Variants in EYA1 observed in about 807,000 individuals in gnomAD.
EYA1 encodes EYA transcriptional coactivator and phosphatase 1.
EYA1 carries 16 observed loss-of-function variants against 82.0 expected under a neutral mutation model. The observed-to-expected ratio is 0.20, with a 90% confidence interval of 0.13 to 0.30. The LOEUF (loss-of-function observed/expected upper bound fraction) is 0.30, where lower values mean the gene tolerates loss of function less well. Among genes scored for constraint, EYA1 ranks in the 10% least tolerant of loss-of-function variants. The pLI is 1.00. For synonymous variants in EYA1, 261 were observed against 264.4 expected (o/e 0.99, Z 0.12); for missense variants, 633 against 730.7 (o/e 0.87, Z 1.54).
intron 12 of EYA1, among the ~76,000 whole-genome samples, chr8:71,240,268 C>CTT (rs35098983): frequency 7.0e-5 from 10 of 143,106 alleles, no homozygotes; most frequent in South Asian, 2.3e-4. Context: ...TGCCCCAGGC[C>CTT]TTTTTTTTTT....
intron 9 of EYA1, among the ~76,000 whole-genome samples, chr8:71,273,670 A>T (rs965321306): frequency 6.6e-6 from 1 of 152,248 alleles, no homozygotes; most frequent in Non-Finnish European, 1.5e-5. Flanking sequence ...CAAAACACAC[A>T]TCAATCTCTA....
chr8:71,256,333 T>C (rs2128924344), intron 11 of EYA1, among the ~76,000 whole-genome samples: 1 of 152,162 alleles, frequency 6.6e-6, no homozygotes, highest in Non-Finnish European at 1.5e-5. Context: ...ATCAAAAAAA[T>C]AAAATGTGGC....
intron 2 of EYA1, among the ~76,000 whole-genome samples, chr8:71,416,910 G>A (rs1402415114): frequency 6.6e-6 from 1 of 152,198 alleles, no homozygotes; most frequent in Non-Finnish European, 1.5e-5. Context: ...CAGTGAGGGT[G>A]TTGCCAAAGG....
chr8:71,469,983 G>C (rs963562213), intron 2 of EYA1, among the ~76,000 whole-genome samples: 4 of 152,032 alleles, frequency 2.6e-5, no homozygotes, highest in African/African-American at 9.7e-5. Context: ...GTTCACCAAG[G>C]CCTTTGATTC....
intron 2 of EYA1, among the ~76,000 whole-genome samples, chr8:71,427,591 A>G (rs914736154): frequency 6.6e-6 from 1 of 152,180 alleles, no homozygotes; most frequent in African/African-American, 2.4e-5. Context: ...GTCACCTTTT[A>G]TGCCTTATAT....
At chr8:71,239,460 A>G (rs545197123) in intron 12 of EYA1, among the ~76,000 whole-genome samples, 2 of 152,342 alleles carry the variant, frequency 1.3e-5, no homozygotes, top group African/African-American at 4.8e-5. Flanking sequence ...AACATATATA[A>G]GGCAACATTC....
At chr8:71,362,223 T>G (rs1827469818), upstream of EYA1, 4 of 963,944 alleles carry the variant, frequency 4.1e-6, no homozygotes, top group Non-Finnish European at 4.9e-6. Flanking sequence ...TGTCCTAACC[T>G]TATTGGTTTA....
At chr8:71,444,417 A>G (rs1192988701) in intron 2 of EYA1, among the ~76,000 whole-genome samples, 1 of 152,250 alleles carries the variant, frequency 6.6e-6, no homozygotes, top group Non-Finnish European at 1.5e-5. Context: ...TTTGGCAGGA[A>G]CAGAACACTA....
At chr8:71,394,714 G>A (rs1172864306) in intron 2 of EYA1, among the ~76,000 whole-genome samples, 4 of 152,160 alleles carry the variant, frequency 2.6e-5, no homozygotes, top group African/African-American at 4.8e-5. Flanking sequence ...ATAGTTTCAA[G>A]TCAGGTAGCT....
chr8:71,265,590 G>A (rs1815701466), intron 11 of EYA1, among the ~76,000 whole-genome samples: 1 of 149,624 alleles, frequency 6.7e-6, no homozygotes, highest in African/African-American at 2.5e-5. Context: ...CCCACAGGAG[G>A]GGGACCATGC....
rs1809110163 is a variant in EYA1 at position 71,215,733 on chromosome 8, G to A, written c.1361-5C>T. On this transcript the variant is annotated splice_region_variant and splice_polypyrimidine_tract_variant and intron_variant, in intron 14 of 17. Transcript: ENST00000340726. ...TCTTAGCTGGACCAAGCAGACCTGA[G>A]GATTTAAAAGCACATGATGAACTAC... The A allele has an allele frequency of 1.3e-6, 2 of 1,599,274 alleles. No individual in the cohort carries two copies. Among genetic ancestry groups the A allele is most frequent in the African/African-American group, 1.3e-5 (1 of 74,722 alleles).
intron 2 of EYA1, among the ~76,000 whole-genome samples, chr8:71,500,738 A>G (rs902537290): frequency 3.9e-5 from 6 of 152,132 alleles, no homozygotes; most frequent in Non-Finnish European, 7.4e-5. Context: ...TCATTTCACT[A>G]CAGCATATGA....
intron 2 of EYA1, among the ~76,000 whole-genome samples, chr8:71,520,929 C>T (rs773198353): frequency 2.2e-4 from 34 of 152,018 alleles, no homozygotes; most frequent in Non-Finnish European, 4.9e-4. Flanking sequence ...TAGTTAGCTG[C>T]AAATATATTC....
At chr8:71,343,151 A>G (rs1586463456) in intron 3 of EYA1, among the ~76,000 whole-genome samples, 1 of 152,114 alleles carries the variant, frequency 6.6e-6, no homozygotes. Flanking sequence ...TTAGTCATGG[A>G]GTCATGGCAG....
At chr8:71,201,318 CAT>C (rs35876140) in intron 17 of EYA1, among the ~76,000 whole-genome samples, 30,091 of 151,444 alleles carry the variant, frequency 0.2, 3,080 homozygotes, top group African/African-American at 0.25. Flanking sequence ...AGCCAAGATC[CAT>C]ATACCAGGTG....
intron 14 of EYA1, 73 bp downstream of exon 14, chr8:71,216,619 A>C: frequency 1.4e-6 from 2 of 1,478,878 alleles, no homozygotes; most frequent in Non-Finnish European, 1.9e-6. Context: ...AGTGTGACAC[A>C]AAAGTGTACA....
chr8:71,404,048 A>G (rs1326007688), intron 2 of EYA1: 3 of 152,266 alleles, frequency 2.0e-5, no homozygotes, highest in Non-Finnish European at 2.9e-5. Flanking sequence ...GTTTGACTAC[A>G]GCACAGTGAT....
rs527838117 is a variant in EYA1, at chr8:71,462,701, G to A, written c.33+73043C>T. ...CCTGTGCCCTCCAGGCAGCAGTGGT[G>A]GGTGAGAGTGGCAACAGGGGGCCAG... On this transcript the variant is annotated intron_variant, in intron 2 of 18. Coordinates refer to the EYA1 transcript ENST00000643681. 2.6e-5 allele frequency among the ~76,000 whole-genome samples: 4 copies of A among 152,340 alleles called. No individual in the cohort carries two copies. The East Asian group carries it at 7.7e-4, about 29-fold the overall frequency.
intron 2 of EYA1, among the ~76,000 whole-genome samples, chr8:71,535,012 G>A (rs898659331): frequency 6.6e-6 from 1 of 151,764 alleles, no homozygotes. Flanking sequence ...AGTCATGGAT[G>A]CTGCCCTAAA....
Sources: gnomAD v4.1 joint callset for allele counts (sites outside exome capture counted in the v4.1 genomes callset) on GRCh38, gnomAD v4.1.1 for gene constraint, MANE v1.5 for transcripts, NCBI Gene and HGNC (gene_info 2026-07-23, HGNC 2026-07-21) for gene names.